Variants in ZNF451 observed in about 807,000 individuals in gnomAD.
ZNF451 encodes zinc finger protein 451.
A neutral mutation model predicts 107.1 loss-of-function variants in ZNF451; 80 were observed. The ratio of observed to expected loss-of-function variants is 0.75; its 90% CI spans 0.62 to 0.90. The LOEUF is 0.90. Among genes scored for constraint, ZNF451 ranks in the 40% least tolerant of loss-of-function variants. The pLI, the probability that ZNF451 is intolerant of heterozygous loss-of-function variation, is 0.00. For synonymous variants in ZNF451, 362 were observed against 406.5 expected, an observed-to-expected ratio of 0.89 and a Z score of 1.32; for missense variants, 1,107 against 1,236.2, an observed-to-expected ratio of 0.90 and a Z score of 1.57.
At chr6:57,136,460 G>A (rs1831431831) in intron 7 of ZNF451, among the ~76,000 whole-genome samples, 1 of 151,966 alleles carries the variant, frequency 6.6e-6, no homozygotes, top group South Asian at 2.1e-4. Flanking sequence ...TGAGATGAGA[G>A]AATTGTTTGA....
intron 13 of ZNF451, among the ~76,000 whole-genome samples, chr6:57,158,313 A>C (rs1763524311): frequency 6.6e-6 from 1 of 152,158 alleles, no homozygotes; most frequent in Non-Finnish European, 1.5e-5. Context: ...TTATATAAAG[A>C]TATCAAACAA....
chr6:57,156,491 TA>T (rs1763430465), intron 13 of ZNF451, among the ~76,000 whole-genome samples: 1 of 152,338 alleles, frequency 6.6e-6, no homozygotes, highest in African/African-American at 2.4e-5. Flanking sequence ...TGCACATAGC[TA>T]AACATGGTGT....
intron 4 of ZNF451, chr6:57,126,421 C>T (rs1420406127): frequency 6.6e-6 from 1 of 151,340 alleles, no homozygotes; most frequent in Non-Finnish European, 1.5e-5. Context: ...AAAAAACCAC[C>T]CAGAAAGGAA....
chr6:57,115,388 T>A (rs1830319435), intron 3 of ZNF451: 1 of 152,230 alleles, frequency 6.6e-6, no homozygotes, highest in Non-Finnish European at 1.5e-5. Flanking sequence ...TTTCTAGACT[T>A]GGACTTTTTG....
intron 12 of ZNF451, 53 bp downstream of exon 12, chr6:57,152,404 T>A: frequency 1.2e-6 from 2 of 1,603,860 alleles, no homozygotes; most frequent in Non-Finnish European, 1.7e-6. Context: ...CCACTTGCAT[T>A]TTTTTCCCCA....
At position 57,147,213 on chromosome 6, in the gene ZNF451, C is replaced by T. The variant is rs1208719154; in HGVS notation, c.1128C>T (p.Ser376=). The change falls in exon 10 of 15, where the codon AGC becomes AGT. Residue 376 remains serine, a synonymous_variant. Transcript: ENST00000370706. The part of the protein sequence containing the change: ...DCNQVFVDET[S]TQNHKQNSGH... ...ATCAAGTCTTTGTGGATGAAACCAGCACCCAAAATCATAAGCAGAATTCAG... is the reference window on the plus strand; with the variant it reads ...ATCAAGTCTTTGTGGATGAAACCAGTACCCAAAATCATAAGCAGAATTCAG... 6.2e-6 allele frequency: 10 copies of T among 1,614,024 alleles called. No homozygotes were observed. In the East Asian group the frequency reaches 2.2e-4, roughly 36 times the overall value.
At position 57,134,737 on chromosome 6, in the gene ZNF451, T is replaced by C. The variant is rs538764538; in HGVS notation, c.576-7T>C. The stretch of plus-strand genomic sequence containing the variant: ...TAATATTACCTCTTACCTCTTTTGC[T>C]GAGTAGGTTCGATCACTCTCCATGT... On this transcript the variant is annotated splice_polypyrimidine_tract_variant and splice_region_variant and intron_variant, in intron 6 of 14. Transcript: ENST00000370706. 1.6e-5 allele frequency: 26 copies of C among 1,609,278 alleles called. No homozygotes were observed. The highest frequency in any genetic ancestry group is 2.2e-5 in the Non-Finnish European group (26 of 1,178,476).
At chr6:57,117,505 A>G (rs150309549) in intron 3 of ZNF451, among the ~76,000 whole-genome samples, 98 of 152,270 alleles carry the variant, frequency 6.4e-4, no homozygotes, top group African/African-American at 2.1e-3. Context: ...AGTTGAAGAG[A>G]TCTAAATTAA....
chr6:57,100,623 G>A, intron 3 of ZNF451: 2 of 1,530,590 alleles, frequency 1.3e-6, no homozygotes, highest in Non-Finnish European at 1.8e-6. Flanking sequence ...AATCTAAGGT[G>A]CCATCCTCTG....
At chr6:57,137,337 C>T (rs1831482620) in intron 7 of ZNF451, among the ~76,000 whole-genome samples, 1 of 152,108 alleles carries the variant, frequency 6.6e-6, no homozygotes, top group Non-Finnish European at 1.5e-5. Flanking sequence ...GTTTTCCTTG[C>T]TCCCCTCCCC....
chr6:57,099,727 C>T, intron 3 of ZNF451: 1 of 494,050 alleles, frequency 2.0e-6, no homozygotes, highest in East Asian at 3.1e-5. Context: ...GAGAATTGAA[C>T]TAGTTGAGCC....
chr6:57,113,838 C>G (rs62415883), intron 3 of ZNF451, among the ~76,000 whole-genome samples: 17,624 of 151,952 alleles, frequency 0.12, 1,237 homozygotes, highest in African/African-American at 0.18. Flanking sequence ...AGCCAGGATG[C>G]TCTCGATCTC....
chr6:57,157,379 A>C (rs1032647626), intron 13 of ZNF451, among the ~76,000 whole-genome samples: 7 of 152,188 alleles, frequency 4.6e-5, no homozygotes, highest in Admixed American at 1.3e-4. Flanking sequence ...GTAAAAATAC[A>C]GATATTTGGA....
At chr6:57,128,125 A>G (rs576585021) in intron 4 of ZNF451, among the ~76,000 whole-genome samples, 1 of 152,344 alleles carries the variant, frequency 6.6e-6, no homozygotes, top group East Asian at 1.9e-4. Context: ...GCACATATTA[A>G]GTGCTAATGA....
chr6:57,161,207 T>G, intron 14 of ZNF451, 55 bp downstream of exon 14: 1 of 1,073,264 alleles, frequency 9.3e-7, no homozygotes. Context: ...ATTTTTTTTT[T>G]AAATTTCTCT....
At chr6:57,150,571 T>C (rs1475146295) in intron 10 of ZNF451, 148 bp from the exon 11 acceptor site, 1 of 697,644 alleles carries the variant, frequency 1.4e-6, no homozygotes, top group Non-Finnish European at 2.3e-6. Context: ...TGTACAGATT[T>C]GGATTTCACA....
At position 57,148,537 on chromosome 6, in the gene ZNF451, C is replaced by T. The variant is rs1355475185; in HGVS notation, c.2452C>T (p.Pro818Ser). The T allele has an allele frequency of 1.9e-6, 3 of 1,614,016 alleles. No individual in the cohort carries two copies. The highest frequency in any genetic ancestry group is 2.7e-5 in the African/African-American group (2 of 74,928). The change falls in exon 10 of 15, where the codon CCC becomes TCC. Residue 818 changes from proline (P) to serine (S), a missense_variant. Transcript: ENST00000370706. Reference protein sequence around the residue: ...FHRKHCFLQKPSVAHFGSEKS... With the variant: ...FHRKHCFLQKSSVAHFGSEKS... ...TAGAAAACATTGCTTCTTACAGAAA[C>T]CCAGTGTGGCTCATTTTGGATCTGA...
chr6:57,139,613 A>G (rs558319375), intron 7 of ZNF451, among the ~76,000 whole-genome samples: 1 of 152,368 alleles, frequency 6.6e-6, no homozygotes, highest in African/African-American at 2.4e-5. Context: ...ATTTATAACA[A>G]GCACACACAA....
chr6:57,100,787 A>C, intron 3 of ZNF451: 1 of 1,549,114 alleles, frequency 6.5e-7, no homozygotes, highest in Non-Finnish European at 8.7e-7. Flanking sequence ...AAAAATGATC[A>C]AAATAATTCA....
Sources: allele counts gnomAD v4.1 joint callset (sites outside exome capture counted in the v4.1 genomes callset), GRCh38; gene constraint gnomAD v4.1.1; transcripts MANE v1.5; gene names NCBI Gene and HGNC (gene_info 2026-07-23, HGNC 2026-07-21).